XIST: variants seen among roughly 807,000 people sequenced by gnomAD.
XIST encodes the protein X inactive specific transcript (non-protein coding).
exon 1 of XIST, chrX:73,845,770 TTA>T: frequency 1.8e-6 from 1 of 551,489 alleles, no homozygotes; most frequent in Non-Finnish European, 3.3e-6. Flanking sequence ...TGTAATGATC[TTA>T]TGGAGGGGGC....
exon 1 of XIST, chrX:73,844,468 A>T: frequency 1.8e-6 from 1 of 559,042 alleles, no homozygotes; most frequent in East Asian, 3.2e-5. Context: ...CTATACTGCA[A>T]AGGGGGTCTG....
At chrX:73,841,524 G>A (rs1469050279) in exon 1 of XIST, 1 of 556,453 alleles carries the variant, frequency 1.8e-6, no homozygotes. Flanking sequence ...AACTGCTGTT[G>A]TGATGACTAG....
At chrX:73,825,473 T>C in exon 6 of XIST, 1 of 522,724 alleles carries the variant, frequency 1.9e-6, no homozygotes. Flanking sequence ...ATATCAATAA[T>C]CATTGCATTT....
exon 1 of XIST, chrX:73,851,358 G>A (rs758668011): frequency 2.9e-5 from 16 of 557,669 alleles, no homozygotes; most frequent in Non-Finnish European, 5.2e-5. Flanking sequence ...GTTTTACACT[G>A]CGGCAAGACC....
chrX:73,847,406 T>G (rs768219550), exon 1 of XIST: 154 of 326,989 alleles, frequency 4.7e-4, no homozygotes, highest in Non-Finnish European at 7.5e-4. Flanking sequence ...TTGTCTTACT[T>G]TTTTTTTTTT....
rs746100023 is a variant in XIST at position 73,822,399 on chromosome X, AG to A, written n.17501del. On this transcript the variant is annotated non_coding_transcript_exon_variant, in exon 6 of 6. Transcript: ENST00000429829. ...GCCCCTAACAAGAAAACAAGCCAAA[AG>A]GAAAGTATTAGGCATTCTCTGGGAA... 9 of 518,741 alleles carry A rather than the reference AG, an allele frequency of 1.7e-5. No homozygotes were observed. The East Asian group carries it at 3.2e-4, about 18-fold the overall frequency. 42.8% of individuals were successfully genotyped at this position (518,741 alleles called of 1,213,427 possible).
chrX:73,837,085 C>T (rs898490720), intron 2 of XIST, among the ~76,000 whole-genome samples: 3 of 111,512 alleles, frequency 2.7e-5, no homozygotes, highest in Non-Finnish European at 5.7e-5. Context: ...AGGTAATTTC[C>T]CATTCCTTAA....
At chrX:73,834,442 G>A (rs954936105) in intron 2 of XIST, among the ~76,000 whole-genome samples, 2 of 112,513 alleles carry the variant, frequency 1.8e-5, no homozygotes, top group Admixed American at 1.9e-4. Context: ...GGAATCTAAG[G>A]CTAGAGAAAA....
exon 1 of XIST, chrX:73,849,538 A>G (rs763876222): frequency 1.8e-6 from 1 of 558,860 alleles, no homozygotes; most frequent in Non-Finnish European, 3.2e-6. Flanking sequence ...CGAGAAAATG[A>G]TAAGTAACTC....
In XIST at chrX:73,825,259, C is replaced by G. The variant is rs747907969; in HGVS notation, n.14642G>C. 224 of 557,575 alleles carry G rather than the reference C, an allele frequency of 4.0e-4. 1 individual carries two copies. The highest frequency in any genetic ancestry group is 1.2e-3 in the South Asian group (56 of 44,857). 46.0% of individuals were successfully genotyped at this position (557,575 alleles called of 1,213,427 possible). ...GCATTTTTACTCAAAATTACCAGAGCAGCAAACACAAATTGGCCTCAAATA... is the reference window on the plus strand; with the variant it reads ...GCATTTTTACTCAAAATTACCAGAGGAGCAAACACAAATTGGCCTCAAATA... On this transcript the variant is annotated non_coding_transcript_exon_variant, in exon 6 of 6. Transcript: ENST00000429829.
chrX:73,851,105 A>G, exon 1 of XIST: 1 of 559,082 alleles, frequency 1.8e-6, no homozygotes, highest in Non-Finnish European at 3.2e-6. Flanking sequence ...ATTGGCTGTG[A>G]TCAATTCCAC....
chrX:73,826,437 T>TACAAAAC, exon 6 of XIST: 1 of 557,470 alleles, frequency 1.8e-6, no homozygotes, highest in Non-Finnish European at 3.2e-6. Context: ...AACAGAAGTT[T>TACAAAAC]ACAAAACACT....
chrX:73,848,560 C>T (rs372999172), exon 1 of XIST: 9 of 555,821 alleles, frequency 1.6e-5, no homozygotes, highest in Middle Eastern at 6.1e-4. Context: ...CACATTGTAG[C>T]GTGCAAATAG....
chrX:73,829,662 T>C (rs1922339967), intron 4 of XIST, among the ~76,000 whole-genome samples: 1 of 108,892 alleles, frequency 9.2e-6, no homozygotes, highest in African/African-American at 3.4e-5. Context: ...TGGTGGTGCA[T>C]GACTGTAATC....
At chrX:73,821,769 C>A in exon 6 of XIST, 1 of 513,590 alleles carries the variant, frequency 1.9e-6, no homozygotes, top group South Asian at 2.5e-5. Context: ...AAAAATTTTT[C>A]CTTTCAATTT....
chrX:73,842,936 C>T (rs1356390627), exon 1 of XIST: 4 of 556,576 alleles, frequency 7.2e-6, no homozygotes, highest in Non-Finnish European at 1.3e-5. Flanking sequence ...AGAGGGAAGA[C>T]TTCGTATATA....
At chrX:73,845,414 G>A in exon 1 of XIST, 2 of 550,418 alleles carry the variant, frequency 3.6e-6, no homozygotes, top group East Asian at 6.6e-5. Context: ...CATGTCCAAG[G>A]TGAGTGCCTA....
In XIST at chrX:73,850,106, T is replaced by C. The variant is rs751523642; in HGVS notation, n.2618A>G. 2.3e-5 allele frequency: 13 copies of C among 559,189 alleles called. No homozygotes were observed. The East Asian group carries it at 3.2e-4, about 14-fold the overall frequency. 46.1% of individuals were successfully genotyped at this position (559,189 alleles called of 1,213,427 possible). On this transcript the variant is annotated non_coding_transcript_exon_variant, in exon 1 of 6. Transcript: ENST00000429829. Reference sequence around the variant, plus strand: ...TCAAGGATGGGAACAAAGCAAGGCCTGGACCTGTGTAAACCTTCAAACACT... The same window carrying C: ...TCAAGGATGGGAACAAAGCAAGGCCCGGACCTGTGTAAACCTTCAAACACT...
At chrX:73,841,939 T>C in exon 1 of XIST, 2 of 531,195 alleles carry the variant, frequency 3.8e-6, no homozygotes, top group South Asian at 4.8e-5. Context: ...GTAGTTTTTC[T>C]AAAAGTGAAT....
Sources: allele counts gnomAD v4.1 joint callset (sites outside exome capture counted in the v4.1 genomes callset), GRCh38; gene constraint gnomAD v4.1.1; transcripts MANE v1.5; gene names NCBI Gene and HGNC (gene_info 2026-07-23, HGNC 2026-07-21).